PDZRN3: variants seen among roughly 807,000 people sequenced by gnomAD.
PDZRN3 encodes the protein PDZ domain containing ring finger 3, also known as E3 ubiquitin-protein ligase PDZRN3.
PDZRN3 carries 38 observed loss-of-function variants against 85.7 expected under a neutral mutation model. That is an observed-to-expected ratio of 0.44 (90% CI 0.34 to 0.58). The LOEUF (loss-of-function observed/expected upper bound fraction) is 0.58. Among genes scored for constraint, PDZRN3 ranks in the 20% least tolerant of loss-of-function variants. The probability of loss-of-function intolerance (pLI) is 0.01; values close to 1 mark genes in which losing one functional copy is unlikely to be tolerated. For synonymous variants in PDZRN3, 759 were observed against 638.0 expected (o/e 1.19, Z -2.86); for missense variants, 1,629 against 1,506.4 (o/e 1.08, Z -1.35).
At chr3:73,424,718 A>C (rs916796494) in intron 3 of PDZRN3, among the ~76,000 whole-genome samples, 11 of 152,158 alleles carry the variant, frequency 7.2e-5, no homozygotes, top group Admixed American at 5.9e-4. Context: ...GAAATGGGCA[A>C]AAAGTTGGAG....
At chr3:73,531,400 T>C (rs1375501794) in intron 3 of PDZRN3, among the ~76,000 whole-genome samples, 1 of 152,182 alleles carries the variant, frequency 6.6e-6, no homozygotes, top group Non-Finnish European at 1.5e-5. Flanking sequence ...ACTGATGCTA[T>C]TTCCCTAATC....
intron 3 of PDZRN3, among the ~76,000 whole-genome samples, chr3:73,583,019 C>A (rs2106869411): frequency 6.6e-6 from 1 of 152,282 alleles, no homozygotes; most frequent in South Asian, 2.1e-4. Context: ...TACTCAACTG[C>A]ATACAGGAGC....
At chr3:73,620,974 C>A (rs1575767243) in intron 1 of PDZRN3, among the ~76,000 whole-genome samples, 2 of 152,364 alleles carry the variant, frequency 1.3e-5, no homozygotes, top group South Asian at 4.1e-4. Flanking sequence ...AAGACCAATA[C>A]ATGTTTGGTC....
chr3:73,518,365 T>C (rs1704291073), intron 3 of PDZRN3, among the ~76,000 whole-genome samples: 1 of 152,090 alleles, frequency 6.6e-6, no homozygotes, highest in African/African-American at 2.4e-5. Context: ...AAATAGGTAA[T>C]TATCGTTTAA....
chr3:73,496,651 C>G (rs1199202480), intron 3 of PDZRN3, among the ~76,000 whole-genome samples: 4 of 151,680 alleles, frequency 2.6e-5, no homozygotes. Context: ...TAACATCCAT[C>G]CATATTCAAA....
chr3:73,392,442 G>A (rs1437724193), intron 5 of PDZRN3, among the ~76,000 whole-genome samples: 1 of 152,230 alleles, frequency 6.6e-6, no homozygotes. Flanking sequence ...TGTAAAGACA[G>A]ATGTTCAGAT....
At chr3:73,492,128 G>A (rs1402881902) in intron 3 of PDZRN3, among the ~76,000 whole-genome samples, 1 of 152,174 alleles carries the variant, frequency 6.6e-6, no homozygotes, top group African/African-American at 2.4e-5. Context: ...TCTAACTGTA[G>A]AATCCCTTTC....
At chr3:73,530,988 C>T (rs567898877) in intron 3 of PDZRN3, among the ~76,000 whole-genome samples, 6 of 152,136 alleles carry the variant, frequency 3.9e-5, no homozygotes, top group African/African-American at 1.2e-4. Flanking sequence ...TGGTGGCTCA[C>T]GCCTGTAATC....
At chr3:73,563,531 C>T (rs764005870) in intron 3 of PDZRN3, among the ~76,000 whole-genome samples, 3 of 152,130 alleles carry the variant, frequency 2.0e-5, no homozygotes, top group Non-Finnish European at 4.4e-5. Context: ...CAGAAGTCTA[C>T]TTTCTATGGC....
Position 73,515,135 on chromosome 3 carries a change from A to G in PDZRN3, c.918+87219T>C, listed in dbSNP as rs1269708586. ...CCTAGGTGTCCTTTTCTGACTAGGTAATTGGGTGAGAGCCTCCTTTTCCAC... is the reference window on the plus strand; with the variant it reads ...CCTAGGTGTCCTTTTCTGACTAGGTGATTGGGTGAGAGCCTCCTTTTCCAC... On this transcript the variant is annotated intron_variant, in intron 3 of 9. Transcript: ENST00000263666. Among the ~76,000 whole-genome samples, 6 of 150,270 alleles carry G rather than the reference A, an allele frequency of 4.0e-5. No individual in the cohort carries two copies. The East Asian group carries it at 1.2e-3, about 30-fold the overall frequency.
At chr3:73,569,279 T>C (rs1202144349) in intron 3 of PDZRN3, 2 of 1,265,250 alleles carry the variant, frequency 1.6e-6, no homozygotes, top group African/African-American at 3.1e-5. Context: ...TCGTATGAAA[T>C]GAAGACTGAG....
At chr3:73,582,921 CCAGCTTATTCA>C (rs1468514770) in intron 3 of PDZRN3, among the ~76,000 whole-genome samples, 10 of 152,098 alleles carry the variant, frequency 6.6e-5, no homozygotes, top group Non-Finnish European at 1.3e-4. Context: ...GGATGTGACC[CCAGCTTATTCA>C]GTGATACTTC....
intron 3 of PDZRN3, among the ~76,000 whole-genome samples, chr3:73,535,818 C>A (rs184176129): frequency 6.6e-6 from 1 of 152,134 alleles, no homozygotes; most frequent in Non-Finnish European, 1.5e-5. Flanking sequence ...CCATTTATTA[C>A]GCACCCACAT....
intron 3 of PDZRN3, among the ~76,000 whole-genome samples, chr3:73,481,058 T>C (rs1452037372): frequency 6.6e-6 from 1 of 152,238 alleles, no homozygotes; most frequent in Admixed American, 6.5e-5. Flanking sequence ...CAGTCATGTT[T>C]AGTAAATGGC....
chr3:73,521,657 A>C (rs1704368911), intron 3 of PDZRN3, among the ~76,000 whole-genome samples: 1 of 152,112 alleles, frequency 6.6e-6, no homozygotes, highest in Non-Finnish European at 1.5e-5. Context: ...AGTCTAAAGC[A>C]TTTTGCATAC....
Position 73,397,857 on chromosome 3 carries a change from G to GTACT in PDZRN3, c.1254+3061_1254+3064dup, listed in dbSNP as rs532434671. ...ACTTCCTGGCTGCTATGGACTCAGAGTACTCTAGGGTAACCATTCAAAGGG... is the reference window on the plus strand; with the variant it reads ...ACTTCCTGGCTGCTATGGACTCAGAGTACTTACTCTAGGGTAACCATTCAAAGGG... On this transcript the variant is annotated intron_variant, in intron 5 of 9. Coordinates refer to ENST00000263666, the MANE Select transcript of PDZRN3 (RefSeq NM_015009.3). Among the ~76,000 whole-genome samples, 846 of 152,252 alleles carry GTACT rather than the reference G, an allele frequency of 5.6e-3. 31 individuals are homozygous for GTACT. The highest frequency in any genetic ancestry group is 1.1e-3 in the Non-Finnish European group (78 of 67,992).
intron 3 of PDZRN3, among the ~76,000 whole-genome samples, chr3:73,471,358 A>G (rs971006163): frequency 2.6e-5 from 4 of 152,172 alleles, no homozygotes; most frequent in Admixed American, 2.6e-4. Flanking sequence ...TTGGGTTTCT[A>G]GCCTTCAGAA....
chr3:73,585,697 A>T lies in PDZRN3; in HGVS notation c.918+16657T>A, dbSNP rs541966483. 3.3e-5 allele frequency among the ~76,000 whole-genome samples: 5 copies of T among 152,320 alleles called. No individual in the cohort carries two copies. In the South Asian group the frequency reaches 1.0e-3, roughly 32 times the overall value. On this transcript the variant is annotated intron_variant, in intron 3 of 9. Coordinates refer to ENST00000263666, the MANE Select transcript of PDZRN3 (RefSeq NM_015009.3). Reference sequence around the variant, plus strand: ...AATTCTGTGACAACAACAGTGACTAAACTTCCATCGAAGAAATGGCACACT... The same window carrying T: ...AATTCTGTGACAACAACAGTGACTATACTTCCATCGAAGAAATGGCACACT...
intron 3 of PDZRN3, among the ~76,000 whole-genome samples, chr3:73,600,027 G>C (rs544964850): frequency 2.4e-4 from 36 of 152,166 alleles, no homozygotes; most frequent in African/African-American, 8.4e-4. Context: ...CACAGTATTG[G>C]TGGAATTCCA....
Sources: allele counts gnomAD v4.1 joint callset (sites outside exome capture counted in the v4.1 genomes callset), GRCh38; gene constraint gnomAD v4.1.1; transcripts MANE v1.5; gene names NCBI Gene and HGNC (gene_info 2026-07-23, HGNC 2026-07-21).